ZNF385B: variants seen among roughly 807,000 people sequenced by gnomAD.
The protein encoded by ZNF385B is zinc finger protein 385B, also known as zinc finger protein 533.
Under a neutral mutation model 39.2 loss-of-function variants are expected in ZNF385B, and 23 were observed. The observed-to-expected ratio is 0.59, with a 90% CI of 0.42 to 0.83. ZNF385B has a LOEUF of 0.83. Among genes scored for constraint, ZNF385B ranks in the 40% least tolerant of loss-of-function variants. The probability of loss-of-function intolerance (pLI) is 0.00; values close to 1 mark genes in which losing one functional copy is unlikely to be tolerated. For missense variants in ZNF385B, 552 were observed against 598.9 expected (o/e 0.92, Z 0.82); for synonymous variants, 205 against 222.6 (o/e 0.92, Z 0.70).
chr2:179,513,283 A>C (rs529480753), intron 5 of ZNF385B, among the ~76,000 whole-genome samples: 20 of 152,344 alleles, frequency 1.3e-4, no homozygotes, highest in African/African-American at 4.8e-4. Context: ...AGATTATAGC[A>C]CCATTACTAA....
intron 4 of ZNF385B, among the ~76,000 whole-genome samples, chr2:179,522,174 G>T (rs956616643): frequency 3.9e-5 from 6 of 152,080 alleles, no homozygotes; most frequent in African/African-American, 1.4e-4. Context: ...ACAAATACTC[G>T]AGTCATTTCA....
chr2:179,712,640 T>C (rs1326986799), intron 3 of ZNF385B, among the ~76,000 whole-genome samples: 2 of 152,162 alleles, frequency 1.3e-5, no homozygotes, highest in African/African-American at 4.8e-5. Flanking sequence ...ATCGCCAGCA[T>C]CACTGAGGGC....
intron 3 of ZNF385B, among the ~76,000 whole-genome samples, chr2:179,573,975 A>T (rs950287667): frequency 3.3e-5 from 5 of 152,168 alleles, no homozygotes; most frequent in Admixed American, 6.6e-5. Context: ...TATTATTATA[A>T]TATCTATTTC....
chr2:179,525,510 C>T (rs2058831023), intron 4 of ZNF385B, among the ~76,000 whole-genome samples: 2 of 152,154 alleles, frequency 1.3e-5, no homozygotes, highest in African/African-American at 4.8e-5. Flanking sequence ...TCATTTGCAC[C>T]TGTCCTTGAT....
intron 6 of ZNF385B, among the ~76,000 whole-genome samples, chr2:179,447,648 A>T (rs1445702948): frequency 2.0e-5 from 3 of 152,198 alleles, no homozygotes; most frequent in Non-Finnish European, 4.4e-5. Flanking sequence ...CACACATTTA[A>T]TCCTAGTAGA....
At chr2:179,851,776 A>G (rs1217477052) in intron 1 of ZNF385B, among the ~76,000 whole-genome samples, 2 of 152,240 alleles carry the variant, frequency 1.3e-5, no homozygotes, top group African/African-American at 4.8e-5. Flanking sequence ...GATCTACAGA[A>G]GTACACACTG....
At chr2:179,688,576 G>A (rs1698111633) in intron 3 of ZNF385B, among the ~76,000 whole-genome samples, 1 of 152,148 alleles carries the variant, frequency 6.6e-6, no homozygotes, top group Non-Finnish European at 1.5e-5. Flanking sequence ...TCCTTTGAGT[G>A]CCAATGCTCT....
chr2:179,478,015 C>T (rs2053609132), intron 6 of ZNF385B, among the ~76,000 whole-genome samples: 1 of 152,106 alleles, frequency 6.6e-6, no homozygotes, highest in Non-Finnish European at 1.5e-5. Context: ...CATTGGAATA[C>T]GTGCATTTAC....
chr2:179,811,848 A>G (rs1430633896), intron 1 of ZNF385B, among the ~76,000 whole-genome samples: 2 of 152,138 alleles, frequency 1.3e-5, no homozygotes, highest in African/African-American at 2.4e-5. Context: ...AGAAACTATC[A>G]ACAGAATAAA....
intron 3 of ZNF385B, among the ~76,000 whole-genome samples, chr2:179,595,295 A>G (rs1687906873): frequency 1.3e-5 from 2 of 152,160 alleles, no homozygotes; most frequent in Non-Finnish European, 1.5e-5. Context: ...AATTTAAATC[A>G]TTATGTCCCT....
chr2:179,622,419 G>T (rs1483035137), intron 3 of ZNF385B, among the ~76,000 whole-genome samples: 1 of 152,162 alleles, frequency 6.6e-6, no homozygotes, highest in Non-Finnish European at 1.5e-5. Context: ...TACTCTGTCT[G>T]TGGTATCTAA....
At chr2:179,538,277 A>T (rs2105886535) in intron 4 of ZNF385B, among the ~76,000 whole-genome samples, 1 of 152,308 alleles carries the variant, frequency 6.6e-6, no homozygotes, top group African/African-American at 2.4e-5. Context: ...AAATTTAAAA[A>T]TATACAAATA....
chr2:179,535,627 C>G (rs1310638930), intron 4 of ZNF385B, among the ~76,000 whole-genome samples: 1 of 152,102 alleles, frequency 6.6e-6, no homozygotes, highest in Non-Finnish European at 1.5e-5. Flanking sequence ...TATGCTAAAT[C>G]CCTCTGATAC....
At chr2:179,569,681 T>C (rs904222702) in intron 3 of ZNF385B, among the ~76,000 whole-genome samples, 1 of 152,166 alleles carries the variant, frequency 6.6e-6, no homozygotes, top group African/African-American at 2.4e-5. Context: ...CTATATAAGG[T>C]CTTTAAGTGT....
intron 3 of ZNF385B, among the ~76,000 whole-genome samples, chr2:179,749,730 A>C (rs1330005456): frequency 6.6e-6 from 1 of 152,150 alleles, no homozygotes; most frequent in African/African-American, 2.4e-5. Context: ...GCAGACACCA[A>C]GGTTTTAAAT....
At chr2:179,506,202 G>A (rs2057243092) in intron 5 of ZNF385B, among the ~76,000 whole-genome samples, 1 of 151,972 alleles carries the variant, frequency 6.6e-6, no homozygotes, top group Non-Finnish European at 1.5e-5. Flanking sequence ...TTTAATAGTT[G>A]ATTTGAAATC....
At chr2:179,682,128 A>AC (rs1433603425) in intron 3 of ZNF385B, among the ~76,000 whole-genome samples, 3 of 152,212 alleles carry the variant, frequency 2.0e-5, no homozygotes, top group Non-Finnish European at 2.9e-5. Flanking sequence ...AATTTTCAAT[A>AC]CATGACAGCA....
At chr2:179,662,453 T>A (rs1694610839) in intron 3 of ZNF385B, among the ~76,000 whole-genome samples, 1 of 151,838 alleles carries the variant, frequency 6.6e-6, no homozygotes, top group Non-Finnish European at 1.5e-5. Flanking sequence ...CAGTCTGTGG[T>A]ACTTTATTAC....
At chr2:179,529,411 T>C (rs144987695) in intron 4 of ZNF385B, among the ~76,000 whole-genome samples, 8 of 152,320 alleles carry the variant, frequency 5.3e-5, no homozygotes, top group South Asian at 2.1e-4. Context: ...AAGTTCTTGA[T>C]AGGGTTTTCA....
Sources: gnomAD v4.1 joint callset for allele counts (sites outside exome capture counted in the v4.1 genomes callset) on GRCh38, gnomAD v4.1.1 for gene constraint, MANE v1.5 for transcripts, NCBI Gene and HGNC (gene_info 2026-07-23, HGNC 2026-07-21) for gene names.